Variants in RERE observed in about 807,000 individuals in gnomAD.
RERE encodes arginine-glutamic acid dipeptide repeats protein.
Under a neutral mutation model 146.1 loss-of-function variants are expected in RERE, and 40 were observed. That is an observed-to-expected ratio of 0.27 (90% CI 0.21 to 0.36). The LOEUF (loss-of-function observed/expected upper bound fraction) is 0.36. Among genes scored for constraint, RERE ranks in the 10% least tolerant of loss-of-function variants. The pLI, the probability that RERE is intolerant of heterozygous loss-of-function variation, is 1.00. For missense variants in RERE, 1,933 were observed against 2,138.7 expected, an observed-to-expected ratio of 0.90 and a Z score of 1.90; for synonymous variants, 1,003 against 866.0, an observed-to-expected ratio of 1.16 and a Z score of -2.78.
intron 12 of RERE, among the ~76,000 whole-genome samples, chr1:8,401,037 C>CACATA (rs1557611624): frequency 1.8e-4 from 1 of 5,610 alleles, no homozygotes; most frequent in African/African-American, 3.6e-4. Flanking sequence ...AAAAAAAAAA[C>CACATA]CATATATATA....
intron 1 of RERE, among the ~76,000 whole-genome samples, chr1:8,682,645 C>T (rs924280261): frequency 2.0e-5 from 3 of 152,132 alleles, no homozygotes; most frequent in Non-Finnish European, 4.4e-5. Flanking sequence ...TTGTTACCTA[C>T]ACAATAAAAA....
At position 8,360,435 on chromosome 1, in the gene RERE, G is replaced by A; in HGVS notation, c.3072C>T (p.Gly1024=). The A allele has an allele frequency of 2.1e-6, 1 of 484,392 alleles. No individual in the cohort carries two copies. Among genetic ancestry groups the A allele is most frequent in the Non-Finnish European group, 3.0e-6 (1 of 329,838 alleles). 30.0% of individuals were successfully genotyped at this position (484,392 alleles called of 1,614,324 possible). A position where few individuals can be genotyped will look rare whatever the true frequency, so the allele number is the denominator to read the frequency against. ...PPPPASHPPT[G]LHQVAPQPPF... is the part of the protein sequence containing the mutation. ...GGGGTTGGGGGGCCACCTGGTGGAG[G>A]CCTGTAGGGGGGTGGGAGGCAGGGG... The change falls in exon 18 of 23, where the codon GGC becomes GGT. Residue 1024 remains glycine, a synonymous_variant. Transcript: ENST00000400908.
At chr1:8,447,986 TC>T (rs1179304576) in intron 11 of RERE, among the ~76,000 whole-genome samples, 6 of 152,172 alleles carry the variant, frequency 3.9e-5, no homozygotes, top group African/African-American at 4.8e-5. Context: ...TCCCTTACTA[TC>T]TCATGCCTAT....
Position 8,443,864 on chromosome 1 carries a change from T to C in RERE, c.1204-21057A>G, listed in dbSNP as rs927481213. On this transcript the variant is annotated intron_variant, in intron 11 of 22. Coordinates refer to ENST00000400908, the MANE Select transcript of RERE (RefSeq NM_001042681.2). ...TCTGCAGGTGTACAGAGTGCAAGAG[T>C]GATGGAGGCTTGGCAGCCTCTGCCA... Among the ~76,000 whole-genome samples the C allele has an allele frequency of 4.0e-4, 61 of 151,064 alleles. 1 individual carries two copies. The highest frequency in any genetic ancestry group is 1.5e-3 in the African/African-American group (61 of 41,252).
intron 11 of RERE, among the ~76,000 whole-genome samples, chr1:8,460,039 T>C (rs1401875198): frequency 2.0e-5 from 3 of 152,214 alleles, no homozygotes; most frequent in Non-Finnish European, 4.4e-5. Flanking sequence ...AGAGCCTCTC[T>C]CCCTCTTTGT....
intron 1 of RERE, among the ~76,000 whole-genome samples, chr1:8,678,902 T>C (rs1638904042): frequency 6.6e-6 from 1 of 152,168 alleles, no homozygotes. Flanking sequence ...ACTTAAGAAC[T>C]TTAATCTAGG....
chr1:8,545,793 C>G (rs1315162055), intron 6 of RERE, among the ~76,000 whole-genome samples: 1 of 149,950 alleles, frequency 6.7e-6, no homozygotes, highest in Non-Finnish European at 1.5e-5. Context: ...AAGCAATTCT[C>G]CTGCTTCAGC....
At chr1:8,736,144 T>C (rs1557512308) in intron 1 of RERE, among the ~76,000 whole-genome samples, 3 of 152,102 alleles carry the variant, frequency 2.0e-5, no homozygotes, top group Non-Finnish European at 4.4e-5. Context: ...GCAGGGGTGC[T>C]CTCACTATCA....
intron 4 of RERE, among the ~76,000 whole-genome samples, chr1:8,608,490 T>C (rs1646750211): frequency 6.6e-6 from 1 of 151,642 alleles, no homozygotes; most frequent in Non-Finnish European, 1.5e-5. Flanking sequence ...GGTGACAGAG[T>C]GAGACCCTGT....
chr1:8,593,931 T>G (rs1646524876), intron 4 of RERE, among the ~76,000 whole-genome samples: 1 of 152,054 alleles, frequency 6.6e-6, no homozygotes, highest in South Asian at 2.1e-4. Flanking sequence ...TACCTGAGGT[T>G]TAGGTCACTC....
intron 1 of RERE, among the ~76,000 whole-genome samples, chr1:8,813,311 C>T (rs749251089): frequency 1.3e-5 from 2 of 152,178 alleles, no homozygotes; most frequent in African/African-American, 2.4e-5. Context: ...TTTAAATCGA[C>T]TGCAAAAGTA....
At chr1:8,388,475 G>A (rs1050495444) in intron 12 of RERE, among the ~76,000 whole-genome samples, 14 of 151,936 alleles carry the variant, frequency 9.2e-5, no homozygotes, top group Non-Finnish European at 1.3e-4. Flanking sequence ...GCCCGCCACC[G>A]CGCCCGGCTA....
chr1:8,627,299 C>G (rs962879528), intron 2 of RERE, among the ~76,000 whole-genome samples: 1 of 152,014 alleles, frequency 6.6e-6, no homozygotes, highest in African/African-American at 2.4e-5. Context: ...TCTACCTTCC[C>G]CGTACTCACC....
chr1:8,598,872 A>C (rs1646586790), intron 4 of RERE, among the ~76,000 whole-genome samples: 1 of 152,222 alleles, frequency 6.6e-6, no homozygotes, highest in African/African-American at 2.4e-5. Flanking sequence ...TTTCATGAAC[A>C]GTACTGTCTC....
chr1:8,390,578 T>C (rs1333106478), intron 12 of RERE, among the ~76,000 whole-genome samples: 1 of 152,058 alleles, frequency 6.6e-6, no homozygotes, highest in East Asian at 1.9e-4. Flanking sequence ...CCCAAACAAA[T>C]AGTGAAGACA....
At chr1:8,391,090 T>A (rs1642868593) in intron 12 of RERE, among the ~76,000 whole-genome samples, 1 of 152,198 alleles carries the variant, frequency 6.6e-6, no homozygotes, top group South Asian at 2.1e-4. Flanking sequence ...AATTCCACAC[T>A]GTGTCTTAAA....
chr1:8,538,255 T>A (rs978445421), intron 7 of RERE, among the ~76,000 whole-genome samples: 1 of 152,076 alleles, frequency 6.6e-6, no homozygotes, highest in African/African-American at 2.4e-5. Context: ...GCACTAAGAG[T>A]CAGCATACAG....
chr1:8,680,557 G>T (rs570735343), intron 1 of RERE, among the ~76,000 whole-genome samples: 2 of 152,146 alleles, frequency 1.3e-5, no homozygotes, highest in Non-Finnish European at 2.9e-5. Flanking sequence ...ATGGATGGGG[G>T]AAAGAAAGGA....
chr1:8,362,881 C>A (rs1641644291), intron 15 of RERE, 37 bp from the exon 16 acceptor site: 2 of 1,585,944 alleles, frequency 1.3e-6, no homozygotes, highest in South Asian at 1.2e-5. Flanking sequence ...ACACCAGATT[C>A]CCAGTCCCCA....
Sources: allele counts gnomAD v4.1 joint callset (sites outside exome capture counted in the v4.1 genomes callset), GRCh38; gene constraint gnomAD v4.1.1; transcripts MANE v1.5; gene names NCBI Gene and HGNC (gene_info 2026-07-23, HGNC 2026-07-21).